Variants in DCLRE1C observed in about 807,000 individuals in gnomAD.
DCLRE1C encodes DNA cross-link repair 1C.
DCLRE1C carries 47 observed loss-of-function variants against 61.4 expected under a neutral mutation model. That is an observed-to-expected ratio of 0.77 (90% confidence interval 0.61 to 0.98). The LOEUF (loss-of-function observed/expected upper bound fraction) is 0.98. DCLRE1C is among the 50% of genes least tolerant of loss of function. DCLRE1C has a pLI of 0.00. For synonymous variants in DCLRE1C, 337 were observed against 287.6 expected (o/e 1.17, Z -1.74); for missense variants, 858 against 816.0 (o/e 1.05, Z -0.63).
intron 9 of DCLRE1C, among the ~76,000 whole-genome samples, chr10:14,930,257 A>G (rs1420234662): frequency 1.4e-5 from 2 of 140,264 alleles, no homozygotes; most frequent in Non-Finnish European, 3.0e-5. Flanking sequence ...GACTCCAGGC[A>G]TGCACCACCA....
chr10:14,926,312 T>C (rs902271390), intron 11 of DCLRE1C, among the ~76,000 whole-genome samples: 7 of 152,138 alleles, frequency 4.6e-5, no homozygotes, highest in Non-Finnish European at 8.8e-5. Context: ...CTGTAAATAT[T>C]GATACTGAGG....
rs563398471 is a variant in DCLRE1C, at chr10:14,905,565, C to T, written c.*2843G>A. On this transcript the variant is annotated 3_prime_UTR_variant, in exon 14 of 14. Coordinates refer to ENST00000378278, the MANE Select transcript of DCLRE1C (RefSeq NM_001033855.3). ...TGAACTTTTTAAAGTATTTAATCTT[C>T]GGCTTCAGGCAGACTTTTTAAAAAA... Among the ~76,000 whole-genome samples, 5 of 152,310 alleles carry T rather than the reference C, an allele frequency of 3.3e-5. No individual in the cohort carries two copies. The highest frequency in any genetic ancestry group is 3.9e-4 in the East Asian group (2 of 5,182).
Position 14,930,386 on chromosome 10 carries a change from G to A in DCLRE1C, c.781-2234C>T, listed in dbSNP as rs186907701. On this transcript the variant is annotated intron_variant, in intron 9 of 13. Transcript: ENST00000378278. ...AGACTCAAGCGATCCACCTGCCTTG[G>A]CCTCCCAAAGTGCTGGGATTACAGA... is the stretch of plus-strand genomic sequence containing the variant. Among the ~76,000 whole-genome samples the A allele has an allele frequency of 2.8e-3, 414 of 149,172 alleles. 2 individuals carry two copies. Among genetic ancestry groups the A allele is most frequent in the African/African-American group, 9.8e-3 (393 of 40,264 alleles).
chr10:14,951,674 C>T (rs1469502814), intron 1 of DCLRE1C, among the ~76,000 whole-genome samples: 6 of 152,104 alleles, frequency 3.9e-5, no homozygotes, highest in Admixed American at 1.3e-4. Context: ...TACAGACAGC[C>T]GCCTTCTCAC....
At chr10:14,939,093 T>C (rs1406297380) in intron 4 of DCLRE1C, among the ~76,000 whole-genome samples, 2 of 152,138 alleles carry the variant, frequency 1.3e-5, no homozygotes, top group Non-Finnish European at 2.9e-5. Flanking sequence ...CCAGGGGAGC[T>C]TGTCTGCCCC....
downstream of DCLRE1C, among the ~76,000 whole-genome samples, chr10:14,901,687 C>T (rs937337283): frequency 2.6e-5 from 4 of 151,804 alleles, no homozygotes; most frequent in South Asian, 2.1e-4. Flanking sequence ...AAAAACTAGC[C>T]GGGCGTGGTG....
chr10:14,939,990 C>A, intron 3 of DCLRE1C, 121 bp from the exon 4 acceptor site: 3 of 692,702 alleles, frequency 4.3e-6, no homozygotes, highest in Non-Finnish European at 7.4e-6. Context: ...TAAACAATTC[C>A]GATTACATTG....
chr10:14,918,052 C>T (rs575046889), intron 13 of DCLRE1C, among the ~76,000 whole-genome samples: 1 of 152,286 alleles, frequency 6.6e-6, no homozygotes, highest in East Asian at 1.9e-4. Flanking sequence ...AACTCTCATA[C>T]ACTTCTCCTG....
Position 14,949,449 on chromosome 10 carries a change from C to A in DCLRE1C, c.110-362G>T, listed in dbSNP as rs567062506. ...CGAGCCAAGCTCTATGGGACCCATT[C>A]ACTTTCTGCCACTTAAATCAGTCTA... On this transcript the variant is annotated intron_variant, in intron 1 of 13. Transcript: ENST00000378278. Among the ~76,000 whole-genome samples the A allele has an allele frequency of 2.0e-5, 3 of 152,318 alleles. No homozygotes were observed. The East Asian group carries it at 5.8e-4, about 29-fold the overall frequency.
At chr10:14,948,766 A>G (rs887859158) in intron 2 of DCLRE1C, among the ~76,000 whole-genome samples, 2 of 149,090 alleles carry the variant, frequency 1.3e-5, no homozygotes, top group Admixed American at 6.7e-5. Context: ...TGTATTTGGT[A>G]GGATTATATA....
intron 13 of DCLRE1C, 107 bp downstream of exon 13, chr10:14,919,631 G>C: frequency 2.4e-6 from 2 of 834,166 alleles, no homozygotes; most frequent in Non-Finnish European, 4.2e-6. Context: ...ACCTGTGGTG[G>C]GTCCCAGGTC....
At chr10:14,922,877 A>G (rs994601501) in intron 12 of DCLRE1C, 104 bp downstream of exon 12, 1 of 873,294 alleles carries the variant, frequency 1.1e-6, no homozygotes, top group Non-Finnish European at 1.9e-6. Context: ...ATGTCCCAAA[A>G]CAAACAGATT....
intron 10 of DCLRE1C, among the ~76,000 whole-genome samples, chr10:14,927,180 G>C (rs1232671232): frequency 2.0e-5 from 3 of 152,118 alleles, no homozygotes; most frequent in African/African-American, 4.8e-5. Flanking sequence ...TCAGGAGTTC[G>C]AGACCAGCCT....
intron 3 of DCLRE1C, among the ~76,000 whole-genome samples, chr10:14,940,849 G>C (rs567715352): frequency 2.6e-5 from 4 of 152,102 alleles, no homozygotes; most frequent in African/African-American, 9.7e-5. Flanking sequence ...GTCTTTATGA[G>C]GATTCTTACA....
chr10:14,925,741 A>T (rs1463986283), intron 11 of DCLRE1C, among the ~76,000 whole-genome samples: 1 of 152,210 alleles, frequency 6.6e-6, no homozygotes, highest in Non-Finnish European at 1.5e-5. Context: ...CAGTATTATG[A>T]CTGGTCACCA....
chr10:14,929,175 C>A (rs1467125834), intron 9 of DCLRE1C, among the ~76,000 whole-genome samples: 2 of 152,130 alleles, frequency 1.3e-5, no homozygotes, highest in Non-Finnish European at 2.9e-5. Flanking sequence ...GAGGCTGAGG[C>A]AGGTGGATCA....
chr10:14,901,543 G>GTTTTTTTTTTTT (rs746052665), downstream of DCLRE1C, among the ~76,000 whole-genome samples: 1 of 146,390 alleles, frequency 6.8e-6, no homozygotes. Context: ...TGTACTACTT[G>GTTTTTTTTTTTT]TCTTTTTTTT....
At chr10:14,921,088 G>C (rs1201927882) in intron 12 of DCLRE1C, among the ~76,000 whole-genome samples, 1 of 152,056 alleles carries the variant, frequency 6.6e-6, no homozygotes, top group East Asian at 1.9e-4. Context: ...GGAGGCCTAG[G>C]TGGGCAGATC....
chr10:14,940,374 C>G (rs534327684), intron 3 of DCLRE1C, among the ~76,000 whole-genome samples: 8 of 151,876 alleles, frequency 5.3e-5, no homozygotes, highest in African/African-American at 1.9e-4. Flanking sequence ...CTGCAACCAC[C>G]GCCTCCTGGG....
Sources: gnomAD v4.1 joint callset for allele counts (sites outside exome capture counted in the v4.1 genomes callset) on GRCh38, gnomAD v4.1.1 for gene constraint, MANE v1.5 for transcripts, NCBI Gene and HGNC (gene_info 2026-07-23, HGNC 2026-07-21) for gene names.